DNAI4: variants seen among roughly 807,000 people sequenced by gnomAD.
The protein encoded by DNAI4 is WD repeat domain 78.
Under a neutral mutation model 105.8 loss-of-function variants are expected in DNAI4, and 85 were observed. That is an observed-to-expected ratio of 0.80 (90% confidence interval 0.67 to 0.96). The LOEUF (loss-of-function observed/expected upper bound fraction) is 0.96, where lower values mean the gene tolerates loss of function less well. Ranked by LOEUF, DNAI4 falls within the 40% of genes least tolerant of loss-of-function variation. The pLI is 0.00. For synonymous variants in DNAI4, 352 were observed against 331.5 expected, an observed-to-expected ratio of 1.06 and a Z score of -0.67; for missense variants, 1,014 against 1,005.6, an observed-to-expected ratio of 1.01 and a Z score of -0.11.
chr1:66,848,220 A>G (rs551215869), intron 7 of DNAI4: 1 of 456,250 alleles, frequency 2.2e-6, no homozygotes, highest in African/African-American at 2.0e-5. Context: ...TCTGGGGGCC[A>G]CCACAACCTT....
chr1:66,838,601 CA>C (rs1646080263), intron 9 of DNAI4, among the ~76,000 whole-genome samples: 4 of 152,184 alleles, frequency 2.6e-5, no homozygotes, highest in African/African-American at 9.6e-5. Context: ...AATAACTGAA[CA>C]AATCCAGCCT....
intron 4 of DNAI4, among the ~76,000 whole-genome samples, chr1:66,881,189 T>C (rs527368196): frequency 6.6e-6 from 1 of 152,332 alleles, no homozygotes; most frequent in East Asian, 1.9e-4. Context: ...GCTAGGGCAA[T>C]GCAGAAGGGA....
chr1:66,822,551 GTTATA>G, intron 15 of DNAI4, 34 bp from the exon 16 acceptor site: 1 of 1,498,320 alleles, frequency 6.7e-7, no homozygotes, highest in Non-Finnish European at 8.9e-7. Flanking sequence ...AAATTCAATT[GTTATA>G]TTAATATGGT....
intron 1 of DNAI4, 59 bp downstream of exon 1, chr1:66,924,603 A>G: frequency 6.2e-7 from 1 of 1,612,470 alleles, no homozygotes; most frequent in Middle Eastern, 1.7e-4. Context: ...ATCTATTAAT[A>G]GAAGGGCTCC....
Position 66,840,410 on chromosome 1 carries a change from A to G in DNAI4, c.1494+59T>C. ...AAGGAAAACAATTCTTCATTATTCG[A>G]ACTTGATAATTTCCCTTCAATGCTA... On this transcript the variant is annotated intron_variant, in intron 9 of 16. Transcript: ENST00000371026. 4 of 1,489,702 alleles carry G rather than the reference A, an allele frequency of 2.7e-6. No individual in the cohort carries two copies. In the South Asian group the frequency reaches 4.5e-5, roughly 17 times the overall value. The allele number at this position is 1,489,702 out of a possible 1,614,324, so 92.3% of individuals were successfully genotyped here.
intron 16 of DNAI4, among the ~76,000 whole-genome samples, chr1:66,815,144 T>C (rs930903747): frequency 1.3e-5 from 2 of 152,230 alleles, no homozygotes; most frequent in Non-Finnish European, 2.9e-5. Context: ...ATTCAAGCCA[T>C]GCACACCAAA....
At chr1:66,921,956 G>C (rs1650519617) in intron 1 of DNAI4, among the ~76,000 whole-genome samples, 1 of 149,914 alleles carries the variant, frequency 6.7e-6, no homozygotes, top group Non-Finnish European at 1.5e-5. Flanking sequence ...GAGTACAATG[G>C]CAGTGATCAC....
At chr1:66,850,768 G>C (rs532663502) in intron 7 of DNAI4, among the ~76,000 whole-genome samples, 1 of 151,758 alleles carries the variant, frequency 6.6e-6, no homozygotes, top group Non-Finnish European at 1.5e-5. Context: ...TACTTGAACT[G>C]GTAAAATGTC....
chr1:66,837,364 C>CAA (rs529364212), intron 10 of DNAI4, among the ~76,000 whole-genome samples: 2,635 of 82,312 alleles, frequency 0.032, 79 homozygotes, highest in African/African-American at 0.051. Flanking sequence ...GACTCTGTCT[C>CAA]AAAAAAAAAA....
intron 15 of DNAI4, among the ~76,000 whole-genome samples, chr1:66,825,463 G>T (rs551799619): frequency 3.0e-4 from 46 of 151,764 alleles, no homozygotes; most frequent in African/African-American, 1.1e-3. Flanking sequence ...TTACAGGCGT[G>T]AGCCACCGCG....
intron 10 of DNAI4, 107 bp downstream of exon 10, chr1:66,837,603 T>C (rs1161779185): frequency 3.2e-6 from 4 of 1,267,582 alleles, no homozygotes; most frequent in Admixed American, 2.6e-5. Flanking sequence ...ATAGTCTTGA[T>C]TGATAAAATT....
At chr1:66,859,253 T>C (rs1373022244) in intron 7 of DNAI4, among the ~76,000 whole-genome samples, 1 of 152,134 alleles carries the variant, frequency 6.6e-6, no homozygotes, top group African/African-American at 2.4e-5. Flanking sequence ...AATAATGAGC[T>C]ACCACTACAT....
intron 10 of DNAI4, among the ~76,000 whole-genome samples, chr1:66,836,200 GAAAGAA>G (rs781190423): frequency 0.13 from 6,835 of 52,054 alleles, 595 homozygotes; most frequent in Non-Finnish European, 0.2. Flanking sequence ...AAGAAAGAAA[GAAAGAA>G]AGAGAGAGAG....
intron 2 of DNAI4, among the ~76,000 whole-genome samples, chr1:66,899,283 C>G (rs940197326): frequency 6.6e-6 from 1 of 152,086 alleles, no homozygotes; most frequent in Non-Finnish European, 1.5e-5. Flanking sequence ...TTGATTCTAG[C>G]CATCTTAGTG....
intron 2 of DNAI4, among the ~76,000 whole-genome samples, chr1:66,904,007 T>C (rs531261987): frequency 2.1e-5 from 3 of 141,074 alleles, no homozygotes; most frequent in South Asian, 2.2e-4. Flanking sequence ...ATAAATGAAA[T>C]ATAGTTTGTG....
intron 6 of DNAI4, among the ~76,000 whole-genome samples, chr1:66,867,010 T>A (rs1024049377): frequency 6.6e-6 from 1 of 152,000 alleles, no homozygotes; most frequent in Non-Finnish European, 1.5e-5. Context: ...AACCATCAGA[T>A]CTCATGAGAA....
At chr1:66,854,522 G>A (rs1270767185) in intron 7 of DNAI4, among the ~76,000 whole-genome samples, 1 of 152,200 alleles carries the variant, frequency 6.6e-6, no homozygotes, top group African/African-American at 2.4e-5. Flanking sequence ...AGAAGATCTT[G>A]GCCGGGTGCA....
chr1:66,920,056 C>A (rs919142298), intron 1 of DNAI4, among the ~76,000 whole-genome samples: 2 of 152,202 alleles, frequency 1.3e-5, no homozygotes, highest in African/African-American at 4.8e-5. Flanking sequence ...TCTGTGTTTT[C>A]CTGCTTGAAT....
chr1:66,900,456 T>C (rs1648718825), intron 2 of DNAI4, among the ~76,000 whole-genome samples: 2 of 152,192 alleles, frequency 1.3e-5, no homozygotes, highest in African/African-American at 4.8e-5. Flanking sequence ...GCTGGAATTC[T>C]GATAACAATT....
Sources: gnomAD v4.1 joint callset for allele counts (sites outside exome capture counted in the v4.1 genomes callset) on GRCh38, gnomAD v4.1.1 for gene constraint, MANE v1.5 for transcripts, NCBI Gene and HGNC (gene_info 2026-07-23, HGNC 2026-07-21) for gene names.